SGCZ: variants seen among roughly 807,000 people sequenced by gnomAD.
The protein encoded by SGCZ is sarcoglycan zeta, also known as zeta-sarcoglycan.
In SGCZ, 40 loss-of-function variants were observed where a neutral mutation model predicts 41.3. The observed-to-expected ratio is 0.97, with a 90% confidence interval of 0.75 to 1.26. SGCZ has a LOEUF of 1.26. Ranked by LOEUF, SGCZ falls within the 50% of genes most tolerant of loss-of-function variation. The pLI, the probability that SGCZ is intolerant of heterozygous loss-of-function variation, is 0.00. For synonymous variants in SGCZ, 206 were observed against 137.5 expected (o/e 1.50, Z -3.49); for missense variants, 552 against 369.8 (o/e 1.49, Z -4.04).
chr8:14,789,187 A>G (rs142611284), intron 1 of SGCZ, among the ~76,000 whole-genome samples: 1 of 152,218 alleles, frequency 6.6e-6, no homozygotes, highest in East Asian at 1.9e-4. Flanking sequence ...GGCCATTTTA[A>G]ACAGTGAAGT....
At chr8:14,166,575 C>G (rs917180829) in intron 4 of SGCZ, among the ~76,000 whole-genome samples, 1 of 152,096 alleles carries the variant, frequency 6.6e-6, no homozygotes, top group Non-Finnish European at 1.5e-5. Context: ...CAGTACATTG[C>G]TTCCTTCAAA....
At chr8:14,395,881 AG>A (rs1485385384) in intron 2 of SGCZ, among the ~76,000 whole-genome samples, 1 of 152,194 alleles carries the variant, frequency 6.6e-6, no homozygotes, top group Non-Finnish European at 1.5e-5. Flanking sequence ...TACTGCAAAA[AG>A]TATCTGTTCG....
intron 1 of SGCZ, among the ~76,000 whole-genome samples, chr8:14,675,244 C>T (rs531666422): frequency 6.6e-6 from 1 of 151,970 alleles, no homozygotes; most frequent in East Asian, 1.9e-4. Flanking sequence ...CCGGCCAAAC[C>T]TCTTTTCTTA....
At chr8:14,261,810 T>C (rs188048479) in intron 3 of SGCZ, among the ~76,000 whole-genome samples, 1 of 152,254 alleles carries the variant, frequency 6.6e-6, no homozygotes, top group East Asian at 1.9e-4. Context: ...ACTAACTCTT[T>C]AGGATATAGA....
chr8:14,951,792 A>G (rs1320284482), intron 1 of SGCZ, among the ~76,000 whole-genome samples: 2 of 152,132 alleles, frequency 1.3e-5, no homozygotes, highest in Admixed American at 6.5e-5. Flanking sequence ...GATCAGATCA[A>G]TGGCATATTA....
In SGCZ at chr8:15,061,336, G is replaced by C. The variant is rs552143879; in HGVS notation, c.39+176249C>G. Among the ~76,000 whole-genome samples the C allele has an allele frequency of 1.2e-3, 187 of 151,536 alleles. 1 individual carries two copies. The highest frequency in any genetic ancestry group is 4.3e-3 in the African/African-American group (177 of 41,334). ...CTCATAAGTGGGAGTAGAACAATGA[G>C]AACACATGGACACAGGGAGGAGAAC... is the stretch of plus-strand genomic sequence containing the variant. On this transcript the variant is annotated intron_variant, in intron 1 of 7. Transcript: ENST00000382080.
chr8:14,383,624 G>A (rs370508917), intron 2 of SGCZ, among the ~76,000 whole-genome samples: 9 of 152,172 alleles, frequency 5.9e-5, no homozygotes, highest in Non-Finnish European at 8.8e-5. Context: ...TCACACTAAC[G>A]CATTTCCACT....
chr8:14,384,688 T>C (rs1178243836), intron 2 of SGCZ, among the ~76,000 whole-genome samples: 2 of 152,252 alleles, frequency 1.3e-5, no homozygotes, highest in South Asian at 2.1e-4. Context: ...GCCACCCTAG[T>C]AGCTGGGATT....
chr8:15,033,855 C>G (rs1803777777), intron 1 of SGCZ, among the ~76,000 whole-genome samples: 1 of 152,108 alleles, frequency 6.6e-6, no homozygotes, highest in Non-Finnish European at 1.5e-5. Flanking sequence ...CGTACTCAAC[C>G]CCACAGACCC....
At chr8:14,385,218 G>C (rs928189633) in intron 2 of SGCZ, among the ~76,000 whole-genome samples, 2 of 152,120 alleles carry the variant, frequency 1.3e-5, no homozygotes, top group African/African-American at 4.8e-5. Context: ...GATGCGCACA[G>C]GTGGACTCAT....
chr8:14,553,946 G>A lies in SGCZ; in HGVS notation c.234+786C>T, dbSNP rs150349485. Among the ~76,000 whole-genome samples, 5 of 152,080 alleles carry A rather than the reference G, an allele frequency of 3.3e-5. No homozygotes were observed. The East Asian group carries it at 9.7e-4, about 29-fold the overall frequency. ...TATCTGAGGTCCCCAAGGAAAAGCA[G>A]AATGGTTTAAAAGCAGAGTAGAGAA... On this transcript the variant is annotated intron_variant, in intron 2 of 7. Transcript: ENST00000382080.
chr8:14,878,989 T>C (rs1411727980), intron 1 of SGCZ: 3 of 152,176 alleles, frequency 2.0e-5, no homozygotes, highest in Non-Finnish European at 2.9e-5. Context: ...CTCATACTTG[T>C]AATCAAGAAG....
intron 1 of SGCZ, among the ~76,000 whole-genome samples, chr8:15,114,548 T>C (rs1393688159): frequency 4.6e-5 from 7 of 152,164 alleles, no homozygotes; most frequent in African/African-American, 1.7e-4. Context: ...TAACAAAAAT[T>C]GTTTTGTGAT....
chr8:14,294,248 T>C (rs917633236), intron 3 of SGCZ, among the ~76,000 whole-genome samples: 2 of 151,908 alleles, frequency 1.3e-5, no homozygotes, highest in African/African-American at 4.8e-5. Context: ...ATGTATATAT[T>C]TATTTGTGAG....
intron 1 of SGCZ, among the ~76,000 whole-genome samples, chr8:14,860,667 AGAGG>A: frequency 6.7e-6 from 1 of 150,342 alleles, no homozygotes; most frequent in Admixed American, 6.7e-5. Context: ...AAAGAAAGAA[AGAGG>A]GAAAGAGAGA....
chr8:14,721,386 C>T (rs939410959), intron 1 of SGCZ, among the ~76,000 whole-genome samples: 2 of 152,110 alleles, frequency 1.3e-5, no homozygotes, highest in African/African-American at 4.8e-5. Flanking sequence ...AAAGAGAATA[C>T]CTGATTCGTG....
chr8:14,276,876 C>G (rs938213821), intron 3 of SGCZ, among the ~76,000 whole-genome samples: 4 of 151,760 alleles, frequency 2.6e-5, no homozygotes, highest in Non-Finnish European at 5.9e-5. Context: ...TGAAAGTTTA[C>G]TTCATCTTCT....
chr8:15,056,517 G>T lies in SGCZ; in HGVS notation c.39+181068C>A, dbSNP rs58710427. Among the ~76,000 whole-genome samples, 1,020 of 149,802 alleles carry T rather than the reference G, an allele frequency of 6.8e-3. 15 individuals carry two copies. The highest frequency in any genetic ancestry group is 0.022 in the African/African-American group (913 of 40,620). On this transcript the variant is annotated intron_variant, in intron 1 of 7. Coordinates refer to ENST00000382080, the MANE Select transcript of SGCZ (RefSeq NM_139167.4). Reference sequence around the variant, plus strand: ...AATACATGAATGATGTTGTTTTTCTGTCTTCTTTGCCTTAATGTAGGTGAG... The same window carrying T: ...AATACATGAATGATGTTGTTTTTCTTTCTTCTTTGCCTTAATGTAGGTGAG...
chr8:14,946,766 A>G (rs966414550), intron 1 of SGCZ, among the ~76,000 whole-genome samples: 1 of 149,388 alleles, frequency 6.7e-6, no homozygotes, highest in Non-Finnish European at 1.5e-5. Context: ...ACCTCCACCT[A>G]CAGGGTTCAA....
Sources: gnomAD v4.1 joint callset for allele counts (sites outside exome capture counted in the v4.1 genomes callset) on GRCh38, gnomAD v4.1.1 for gene constraint, MANE v1.5 for transcripts, NCBI Gene and HGNC (gene_info 2026-07-23, HGNC 2026-07-21) for gene names.